PIK3C2G: variants seen among roughly 807,000 people sequenced by gnomAD.
The protein encoded by PIK3C2G is phosphatidylinositol-4-phosphate 3-kinase catalytic subunit type 2 gamma.
PIK3C2G carries 168 observed loss-of-function variants against 181.1 expected under a neutral mutation model. The ratio of observed to expected loss-of-function variants is 0.93; its 90% CI spans 0.82 to 1.05. The LOEUF is 1.05. PIK3C2G is among the 50% of genes least tolerant of loss of function. The pLI, the probability that PIK3C2G is intolerant of heterozygous loss-of-function variation, is 0.00. For missense variants in PIK3C2G, 1,869 were observed against 1,732.8 expected (o/e 1.08, Z -1.40); for synonymous variants, 573 against 592.2 (o/e 0.97, Z 0.47).
intron 5 of PIK3C2G, among the ~76,000 whole-genome samples, chr12:18,303,139 T>TTTCTTTC (rs71302109): frequency 0.058 from 7,443 of 128,414 alleles, 247 homozygotes; most frequent in African/African-American, 0.095. Flanking sequence ...TCTTTCTTTC[T>TTTCTTTC]TTTCTTTTCT....
chr12:18,569,103 A>C (rs140437379), intron 29 of PIK3C2G, among the ~76,000 whole-genome samples: 63 of 152,208 alleles, frequency 4.1e-4, no homozygotes, highest in African/African-American at 1.5e-3. Flanking sequence ...CAAATAGAAT[A>C]TGGTGGAAGT....
At chr12:18,539,951 G>A (rs753948182) in intron 25 of PIK3C2G, among the ~76,000 whole-genome samples, 1 of 151,662 alleles carries the variant, frequency 6.6e-6, no homozygotes, top group Non-Finnish European at 1.5e-5. Flanking sequence ...CTATTAGGCC[G>A]TTTTGCAAGT....
At chr12:18,718,363 T>C in the PIK3C2G span, among the ~76,000 whole-genome samples, 2 of 152,092 alleles carry the variant, frequency 1.3e-5, no homozygotes, top group Non-Finnish European at 2.9e-5. Context: ...CTCCACATTA[T>C]TGAATAAATC....
the PIK3C2G span, chr12:18,694,996 A>G: frequency 2.5e-5 from 40 of 1,610,934 alleles, no homozygotes; most frequent in Non-Finnish European, 3.2e-5. Context: ...TGTGGTTTCA[A>G]AATATATCCA....
At chr12:18,486,014 G>A (rs991999250) in intron 18 of PIK3C2G, among the ~76,000 whole-genome samples, 2 of 152,094 alleles carry the variant, frequency 1.3e-5, no homozygotes, top group African/African-American at 2.4e-5. Context: ...AGCCTTTTCC[G>A]TAGTTGTTTA....
In PIK3C2G at chr12:18,351,575, G is replaced by A. The variant is rs141041677; in HGVS notation, c.1625+4739G>A. 3.9e-5 allele frequency among the ~76,000 whole-genome samples: 6 copies of A among 152,170 alleles called. 1 individual carries two copies. The East Asian group carries it at 7.7e-4, about 20-fold the overall frequency. ...ACTGAGCACATTCTGTGAGTTTTGC[G>A]CTGGGAAAAATACTTAACCTGCATT... is the stretch of plus-strand genomic sequence containing the variant. On this transcript the variant is annotated intron_variant, in intron 11 of 32. Transcript: ENST00000538779.
At chr12:18,666,542 T>C in the PIK3C2G span, among the ~76,000 whole-genome samples, 2 of 152,022 alleles carry the variant, frequency 1.3e-5, no homozygotes, top group Non-Finnish European at 2.9e-5. Flanking sequence ...TATAAATATA[T>C]AAATGGGAAA....
At chr12:18,716,651 C>A in the PIK3C2G span, among the ~76,000 whole-genome samples, 1 of 152,156 alleles carries the variant, frequency 6.6e-6, no homozygotes, top group African/African-American at 2.4e-5. Flanking sequence ...AGTCTCCATG[C>A]CTTCTAGAAT....
chr12:18,547,365 G>A (rs921747653), intron 26 of PIK3C2G, among the ~76,000 whole-genome samples: 6 of 151,984 alleles, frequency 3.9e-5, no homozygotes, highest in African/African-American at 1.4e-4. Context: ...TTGGCTCAGG[G>A]ATTTCTGTTT....
the PIK3C2G span, among the ~76,000 whole-genome samples, chr12:18,679,566 T>C: frequency 6.6e-6 from 1 of 152,036 alleles, no homozygotes; most frequent in Non-Finnish European, 1.5e-5. Flanking sequence ...ATGTTTATAA[T>C]GCCTGTAAAC....
the PIK3C2G span, among the ~76,000 whole-genome samples, chr12:18,668,022 A>C: frequency 3.9e-4 from 59 of 152,344 alleles, no homozygotes; most frequent in African/African-American, 1.3e-3. Context: ...CCTTTAGGAC[A>C]CTACCTAATA....
At chr12:18,360,975 C>CT (rs1172159742) in intron 11 of PIK3C2G, among the ~76,000 whole-genome samples, 1 of 151,686 alleles carries the variant, frequency 6.6e-6, no homozygotes, top group African/African-American at 2.4e-5. Flanking sequence ...TTTTCTTTTT[C>CT]TTTTTTTCTC....
intron 26 of PIK3C2G, among the ~76,000 whole-genome samples, chr12:18,549,900 C>T (rs1565497818): frequency 6.6e-6 from 1 of 151,896 alleles, no homozygotes; most frequent in African/African-American, 2.4e-5. Flanking sequence ...CCTTTTGTGG[C>T]CCATTCCACA....
chr12:18,470,871 C>A (rs568114535), intron 18 of PIK3C2G, among the ~76,000 whole-genome samples: 1 of 151,932 alleles, frequency 6.6e-6, no homozygotes, highest in African/African-American at 2.4e-5. Context: ...AATATTATAA[C>A]GTTTTATTAT....
Position 18,587,199 on chromosome 12 carries a change from G to T in PIK3C2G, c.4012-7295G>T, listed in dbSNP as rs185136088. ...CCTATTCAACATAGTATTGGAAGTC[G>T]TGGCCAGAGCAATAAGGCGAGAGAA... is the stretch of plus-strand genomic sequence containing the variant. On this transcript the variant is annotated intron_variant, in intron 29 of 32. Coordinates refer to ENST00000538779, the MANE Select transcript of PIK3C2G (RefSeq NM_001288772.2). 2.1e-4 allele frequency among the ~76,000 whole-genome samples: 32 copies of T among 152,042 alleles called. No homozygotes were observed. In the East Asian group the frequency reaches 5.4e-3, roughly 26 times the overall value.
chr12:18,406,592 G>A (rs1486917935), intron 16 of PIK3C2G, among the ~76,000 whole-genome samples: 1 of 152,148 alleles, frequency 6.6e-6, no homozygotes, highest in Non-Finnish European at 1.5e-5. Context: ...AAATAAAAGA[G>A]CTTCCAGCGT....
chr12:18,416,651 C>T (rs939149140), intron 16 of PIK3C2G, among the ~76,000 whole-genome samples: 4 of 152,094 alleles, frequency 2.6e-5, no homozygotes, highest in African/African-American at 7.2e-5. Flanking sequence ...AATAACAAAG[C>T]CTGGATGACA....
chr12:18,563,408 AC>A lies in PIK3C2G; in HGVS notation c.3813del (p.Asn1271LysfsTer5). On this transcript the variant is annotated frameshift_variant, in exon 28 of 33. Coordinates refer to ENST00000538779, the MANE Select transcript of PIK3C2G (RefSeq NM_001288772.2). LOFTEE classifies it high-confidence loss of function. ...CTGATCCAGGTGACACACAGCAACA[AC>A]GAAACAAGCCTGACAGAAAAATCAT... Reference protein sequence around the residue: ...LYLIQVTHSNNETSLTEKSFE... With the variant: ...LYLIQVTHSNXETSLTEKSFE... 1.2e-6 allele frequency: 2 copies of A among 1,613,432 alleles called. No homozygotes were observed. Among genetic ancestry groups the A allele is most frequent in the Non-Finnish European group, 1.7e-6 (2 of 1,179,574 alleles).
intron 11 of PIK3C2G, among the ~76,000 whole-genome samples, chr12:18,354,705 T>C (rs1940556393): frequency 6.6e-6 from 1 of 152,092 alleles, no homozygotes; most frequent in African/African-American, 2.4e-5. Flanking sequence ...TCCTCCAGAT[T>C]TGGAGGGTCA....
Sources: allele counts gnomAD v4.1 joint callset (sites outside exome capture counted in the v4.1 genomes callset), GRCh38; gene constraint gnomAD v4.1.1; transcripts MANE v1.5; gene names NCBI Gene and HGNC (gene_info 2026-07-23, HGNC 2026-07-21).